MAGI1: variants seen among roughly 807,000 people sequenced by gnomAD.
The protein encoded by MAGI1 is membrane-associated guanylate kinase, WW and PDZ domain-containing protein 1.
In MAGI1, 58 loss-of-function variants were observed where a neutral mutation model predicts 139.9. The ratio of observed to expected loss-of-function variants is 0.41; its 90% CI spans 0.34 to 0.52. The LOEUF (loss-of-function observed/expected upper bound fraction) is 0.52. Ranked by LOEUF, MAGI1 falls within the 20% of genes least tolerant of loss-of-function variation. The pLI is 0.12. For missense variants in MAGI1, 1,874 were observed against 1,901.6 expected (o/e 0.99, Z 0.27); for synonymous variants, 812 against 737.9 (o/e 1.10, Z -1.63).
chr3:65,422,074 T>G (rs945796645), intron 12 of MAGI1, among the ~76,000 whole-genome samples: 6 of 152,204 alleles, frequency 3.9e-5, no homozygotes, highest in Non-Finnish European at 7.3e-5. Flanking sequence ...GGTGCAATAA[T>G]TAAAATCTCT....
At chr3:65,781,809 C>A (rs569587772) in intron 1 of MAGI1, among the ~76,000 whole-genome samples, 3 of 152,300 alleles carry the variant, frequency 2.0e-5, no homozygotes, top group Admixed American at 6.5e-5. Flanking sequence ...TCTCCATCAC[C>A]CTGACTCTGC....
intron 2 of MAGI1, among the ~76,000 whole-genome samples, chr3:65,574,775 A>C (rs1386827434): frequency 6.6e-6 from 1 of 152,088 alleles, no homozygotes; most frequent in Non-Finnish European, 1.5e-5. Context: ...TATGAGTGAA[A>C]CAGAATAGAG....
intron 3 of MAGI1, among the ~76,000 whole-genome samples, chr3:65,489,610 G>T (rs928088645): frequency 1.1e-4 from 17 of 151,978 alleles, no homozygotes; most frequent in South Asian, 2.1e-4. Flanking sequence ...TAGATGTAGA[G>T]ATATATATAT....
intron 1 of MAGI1, among the ~76,000 whole-genome samples, chr3:65,901,681 T>C (rs974501741): frequency 6.6e-6 from 1 of 152,252 alleles, no homozygotes; most frequent in Non-Finnish European, 1.5e-5. Context: ...AAATAACTTC[T>C]GTTCAAGTTA....
At chr3:65,560,726 T>C (rs900914452) in intron 2 of MAGI1, among the ~76,000 whole-genome samples, 5 of 152,134 alleles carry the variant, frequency 3.3e-5, no homozygotes, top group African/African-American at 1.2e-4. Flanking sequence ...AAAGTCACAA[T>C]GATGAGGCAG....
intron 10 of MAGI1, among the ~76,000 whole-genome samples, chr3:65,433,531 T>A (rs1254376023): frequency 6.6e-6 from 1 of 152,110 alleles, no homozygotes; most frequent in African/African-American, 2.4e-5. Flanking sequence ...AGAAACGCTT[T>A]TCACCCCATA....
rs1471334431 is a variant in MAGI1 at position 65,769,607 on chromosome 3, G to T, written c.314-147519C>A. 2.6e-5 allele frequency among the ~76,000 whole-genome samples: 4 copies of T among 152,170 alleles called. No homozygotes were observed. In the East Asian group the frequency reaches 7.7e-4, roughly 29 times the overall value. On this transcript the variant is annotated intron_variant, in intron 1 of 22. Transcript: ENST00000402939. ...AATTTCACAGCATTTCAAGGTGATG[G>T]ACATGCAATTGAAAAATGAAGAAGC... is the stretch of plus-strand genomic sequence containing the variant.
intron 1 of MAGI1, among the ~76,000 whole-genome samples, chr3:65,947,950 T>C (rs1352694062): frequency 6.8e-6 from 1 of 147,626 alleles, no homozygotes; most frequent in Admixed American, 6.7e-5. Context: ...TTTTTTTTTT[T>C]TTTTTTTTTG....
At chr3:65,963,244 G>A (rs543860228) in intron 1 of MAGI1, among the ~76,000 whole-genome samples, 40 of 148,852 alleles carry the variant, frequency 2.7e-4, no homozygotes, top group African/African-American at 1.0e-3. Context: ...CCCGGGAGGT[G>A]GAGGTTGCAG....
At chr3:65,982,610 C>T (rs527903337) in intron 1 of MAGI1, among the ~76,000 whole-genome samples, 3 of 152,142 alleles carry the variant, frequency 2.0e-5, no homozygotes, top group African/African-American at 4.8e-5. Flanking sequence ...ACTGCCATTA[C>T]GAGACAATTA....
chr3:65,989,164 T>A (rs930699714), intron 1 of MAGI1, among the ~76,000 whole-genome samples: 15 of 152,228 alleles, frequency 9.9e-5, no homozygotes, highest in Non-Finnish European at 7.3e-5. Flanking sequence ...ACTGCCTTTA[T>A]ATAACCAGTA....
intron 20 of MAGI1, 58 bp downstream of exon 20, chr3:65,364,607 T>G (rs1941229117): frequency 1.4e-6 from 2 of 1,459,214 alleles, no homozygotes; most frequent in Non-Finnish European, 1.9e-6. Context: ...TAAAAGTAGC[T>G]TGAGAAAGTT....
intron 1 of MAGI1, among the ~76,000 whole-genome samples, chr3:65,968,146 G>A (rs1402109723): frequency 1.3e-5 from 2 of 152,312 alleles, no homozygotes; most frequent in Non-Finnish European, 2.9e-5. Context: ...TTTTAGGCAT[G>A]TTCTTATACA....
chr3:65,589,562 C>G (rs572498946), intron 2 of MAGI1, among the ~76,000 whole-genome samples: 13 of 152,226 alleles, frequency 8.5e-5, no homozygotes, highest in Admixed American at 2.6e-4. Flanking sequence ...GTTGACCCCC[C>G]CTGCATTAAC....
chr3:65,561,074 G>T (rs913473704), intron 2 of MAGI1, among the ~76,000 whole-genome samples: 1 of 152,162 alleles, frequency 6.6e-6, no homozygotes, highest in Non-Finnish European at 1.5e-5. Flanking sequence ...TACTTTCCCT[G>T]TTTCTCTAAT....
chr3:65,514,611 A>G (rs1205482301), intron 2 of MAGI1, among the ~76,000 whole-genome samples: 2 of 134,550 alleles, frequency 1.5e-5, no homozygotes, highest in African/African-American at 5.8e-5. Flanking sequence ...ACAATGAGAT[A>G]CCATCTCACA....
chr3:65,420,942 T>G (rs185282987), intron 12 of MAGI1, among the ~76,000 whole-genome samples: 1 of 152,258 alleles, frequency 6.6e-6, no homozygotes, highest in African/African-American at 2.4e-5. Context: ...ACTCAAATCA[T>G]CCAATAAAGT....
chr3:65,481,201 G>A (rs1195474651), intron 3 of MAGI1, among the ~76,000 whole-genome samples: 3 of 152,142 alleles, frequency 2.0e-5, no homozygotes, highest in African/African-American at 7.2e-5. Flanking sequence ...CCAACTTACA[G>A]GCGCTAGAAT....
intron 3 of MAGI1, among the ~76,000 whole-genome samples, chr3:65,491,801 G>A (rs1952056121): frequency 6.6e-6 from 1 of 150,758 alleles, no homozygotes; most frequent in South Asian, 2.1e-4. Flanking sequence ...AGGAAACTAA[G>A]CCAACTGATA....
Sources: allele counts gnomAD v4.1 joint callset (sites outside exome capture counted in the v4.1 genomes callset), GRCh38; gene constraint gnomAD v4.1.1; transcripts MANE v1.5; gene names NCBI Gene and HGNC (gene_info 2026-07-23, HGNC 2026-07-21).